Variants in CRHR2 observed in about 807,000 individuals in gnomAD.
The protein encoded by CRHR2 is corticotropin releasing hormone receptor 2.
Under a neutral mutation model 57.9 loss-of-function variants are expected in CRHR2, and 53 were observed. That is an observed-to-expected ratio of 0.92 (90% CI 0.73 to 1.15). The LOEUF (loss-of-function observed/expected upper bound fraction) is 1.15. Ranked by LOEUF, CRHR2 falls within the 50% of genes most tolerant of loss-of-function variation. The pLI is 0.00. For missense variants in CRHR2, 532 were observed against 542.6 expected (o/e 0.98, Z 0.19); for synonymous variants, 213 against 220.9 (o/e 0.96, Z 0.32).
At chr7:30,661,209 C>T (rs1208135758) in intron 7 of CRHR2, among the ~76,000 whole-genome samples, 3 of 152,204 alleles carry the variant, frequency 2.0e-5, no homozygotes, top group Non-Finnish European at 4.4e-5. Flanking sequence ...ATTCATTCTC[C>T]GGGGATGCTG....
chr7:30,692,961 C>T (rs1463290786), intron 1 of CRHR2, among the ~76,000 whole-genome samples: 1 of 152,118 alleles, frequency 6.6e-6, no homozygotes, highest in East Asian at 1.9e-4. Context: ...AAGTGAAGAC[C>T]TGTGGGTCAC....
rs1191380067 is a variant in CRHR2, at chr7:30,653,536, A to G, written c.1160T>C (p.Met387Thr). The change falls in exon 12 of 12, where the codon ATG becomes ACG. Residue 387 changes from methionine to threonine, a missense_variant. By Grantham distance (81) the Met-to-Thr change is moderately conservative. Coordinates refer to ENST00000471646, the MANE Select transcript of CRHR2 (RefSeq NM_001883.5). This position sits in a 1 kb window ranked among gnomAD's most constrained non-coding sequence, Gnocchi z 5.0. ...TGTAGGGATGGACATGGCCCGGGCC[A>G]TGGGGACTCGAAGGGAGTGATGGTC... ...WQDHHSLRVPMARAMSIPTSP... is the reference protein window; with the variant it reads ...WQDHHSLRVPTARAMSIPTSP... 1.9e-6 allele frequency: 3 copies of G among 1,613,298 alleles called. No individual in the cohort carries two copies. Among genetic ancestry groups the G allele is most frequent in the East Asian group, 4.5e-5 (2 of 44,828 alleles).
intron 1 of CRHR2, chr7:30,689,294 A>G: frequency 6.5e-7 from 1 of 1,548,924 alleles, no homozygotes; most frequent in East Asian, 2.4e-5. Context: ...CCTAGGGGAC[A>G]GCAAGGATGA....
chr7:30,680,409 G>A (rs988155572), intron 2 of CRHR2, among the ~76,000 whole-genome samples: 3 of 152,188 alleles, frequency 2.0e-5, no homozygotes, highest in African/African-American at 4.8e-5. Flanking sequence ...GGGTAAGAAC[G>A]AAAGCAGAGC....
intron 1 of CRHR2, chr7:30,689,362 C>T: frequency 8.5e-7 from 1 of 1,177,724 alleles, no homozygotes; most frequent in Non-Finnish European, 1.2e-6. Context: ...CCCATCCTAT[C>T]CTATCACTCA....
At chr7:30,677,841 A>G (rs919210732) in intron 2 of CRHR2, among the ~76,000 whole-genome samples, 1 of 152,250 alleles carries the variant, frequency 6.6e-6, no homozygotes, top group Non-Finnish European at 1.5e-5. Context: ...AGCCAGAGAC[A>G]GGAGGATCGC....
chr7:30,671,001 T>A (rs1784335857), intron 2 of CRHR2, among the ~76,000 whole-genome samples: 1 of 152,202 alleles, frequency 6.6e-6, no homozygotes, highest in Non-Finnish European at 1.5e-5. Flanking sequence ...TTTCAGATGC[T>A]GACACTTTGC....
intron 2 of CRHR2, among the ~76,000 whole-genome samples, chr7:30,669,408 C>A (rs1266853863): frequency 6.6e-6 from 1 of 152,106 alleles, no homozygotes; most frequent in Non-Finnish European, 1.5e-5. Context: ...GAGGACAGGG[C>A]CTTGGAATAC....
chr7:30,660,701 A>G, intron 7 of CRHR2, 56 bp from the exon 8 acceptor site: 1 of 1,520,702 alleles, frequency 6.6e-7, no homozygotes, highest in Non-Finnish European at 8.9e-7. Flanking sequence ...GGGGACCCCC[A>G]CAGACTTGGG....
intron 2 of CRHR2, among the ~76,000 whole-genome samples, chr7:30,680,543 C>G (rs899790929): frequency 6.6e-6 from 1 of 152,200 alleles, no homozygotes; most frequent in African/African-American, 2.4e-5. Context: ...CCCCACACAG[C>G]TCACGGAATC....
At chr7:30,673,256 T>C (rs1320255791) in intron 2 of CRHR2, among the ~76,000 whole-genome samples, 2 of 151,768 alleles carry the variant, frequency 1.3e-5, no homozygotes, top group African/African-American at 2.4e-5. Context: ...GTCACCCAGG[T>C]TGGGGGGCAG....
intron 7 of CRHR2, among the ~76,000 whole-genome samples, chr7:30,661,916 CG>C (rs371456337): frequency 0.017 from 2,635 of 152,278 alleles, 81 homozygotes; most frequent in African/African-American, 0.061. Context: ...TGCGTTGGGT[CG>C]GGGGGCACTT....
chr7:30,658,618 A>G (rs1300272781), intron 8 of CRHR2, among the ~76,000 whole-genome samples: 2 of 152,220 alleles, frequency 1.3e-5, no homozygotes, highest in Non-Finnish European at 2.9e-5. Flanking sequence ...GCCTTGGGTA[A>G]GTTGCTTAAC....
Position 30,655,941 on chromosome 7 carries a change from C to T in CRHR2, c.903G>A (p.Glu301=). 1 of 1,614,042 alleles carries T rather than the reference C, an allele frequency of 6.2e-7. No individual in the cohort carries two copies. The highest frequency in any genetic ancestry group is 8.5e-7 in the Non-Finnish European group (1 of 1,179,968). ...CCCTCACATACCTGTACTGGATTGT[C>T]TCGGATGTGGTGGACGCGCGTAACT... ...MTKLRASTTS[E]TIQYRKAVKA... is the part of the protein sequence containing the mutation. Residue 301 remains glutamate (E), a synonymous_variant, in exon 9 of 12, where the codon GAG becomes GAA. Transcript: ENST00000471646.
At chr7:30,666,173 T>C (rs999219429) in intron 3 of CRHR2, among the ~76,000 whole-genome samples, 2 of 152,162 alleles carry the variant, frequency 1.3e-5, no homozygotes, top group African/African-American at 4.8e-5. Context: ...TTTTTATTTC[T>C]GGACCTCAGT....
At chr7:30,657,022 G>T (rs1783813997) in intron 8 of CRHR2, among the ~76,000 whole-genome samples, 1 of 152,064 alleles carries the variant, frequency 6.6e-6, no homozygotes, top group Non-Finnish European at 1.5e-5. Context: ...AAGTGCTCGT[G>T]GGCCAGAGGG....
chr7:30,670,115 T>C (rs1368773287), intron 2 of CRHR2, among the ~76,000 whole-genome samples: 1 of 152,094 alleles, frequency 6.6e-6, no homozygotes, highest in Non-Finnish European at 1.5e-5. Flanking sequence ...ACATTTTATG[T>C]TATAATCCAG....
At chr7:30,659,415 T>C (rs953971596) in intron 8 of CRHR2, among the ~76,000 whole-genome samples, 10 of 152,170 alleles carry the variant, frequency 6.6e-5, no homozygotes, top group African/African-American at 2.2e-4. Flanking sequence ...TCCAGGCTCA[T>C]CAAAAGCCTT....
rs1783637718 is a variant in CRHR2 at position 30,652,814 on chromosome 7, T to C, written c.*646A>G. 6.6e-6 allele frequency: 1 copy of C among 152,318 alleles called. No homozygotes were observed. The highest frequency in any genetic ancestry group is 1.5e-5 in the Non-Finnish European group (1 of 68,110). 9.4% of individuals were successfully genotyped at this position (152,318 alleles called of 1,614,324 possible). ...TGGCGTCTTCCTTGATTGCCTAATCTGTGGACTAGGCAGAGAAGGGGTCTC... is the reference window on the plus strand; with the variant it reads ...TGGCGTCTTCCTTGATTGCCTAATCCGTGGACTAGGCAGAGAAGGGGTCTC... On this transcript the variant is annotated 3_prime_UTR_variant, in exon 12 of 12. Transcript: ENST00000471646. This position sits in a 1 kb window ranked among gnomAD's most constrained non-coding sequence, Gnocchi z 4.4.
Sources: allele counts gnomAD v4.1 joint callset (sites outside exome capture counted in the v4.1 genomes callset), GRCh38; gene constraint gnomAD v4.1.1; non-coding constraint Gnocchi (gnomAD v3.1); transcripts MANE v1.5; gene names NCBI Gene and HGNC (gene_info 2026-07-23, HGNC 2026-07-21).